The following FBXO11 variants were observed in gnomAD, a reference collection of about 807,000 sequenced individuals.
FBXO11 encodes the protein F-box protein 11, also known as F-box only protein 11.
In FBXO11, 13 loss-of-function variants were observed where a neutral mutation model predicts 117.0. That is an observed-to-expected ratio of 0.11 (90% confidence interval 0.07 to 0.18). FBXO11 has a LOEUF of 0.18. FBXO11 is among the 10% of genes least tolerant of loss of function. FBXO11 has a pLI of 1.00. For missense variants in FBXO11, 767 were observed against 1,164.4 expected (o/e 0.66, Z 4.97); for synonymous variants, 490 against 380.5 (o/e 1.29, Z -3.35).
rs1333900148 is a variant in FBXO11, at chr2:47,810,139, T to TAG, written c.2338+175_2338+176dup. 3 of 550,648 alleles carry TAG rather than the reference T, an allele frequency of 5.4e-6. No homozygotes were observed. The East Asian group carries it at 9.0e-5, about 17-fold the overall frequency. 34.1% of individuals were successfully genotyped at this position (550,648 alleles called of 1,614,324 possible). On this transcript the variant is annotated intron_variant, in intron 19 of 22. Coordinates refer to ENST00000403359, the MANE Select transcript of FBXO11 (RefSeq NM_001190274.2). ...AGCAATATTTCTTAGGAGTCTGGCT[T>TAG]AGAGTAGAAGAATCCAGAACTTGAT...
chr2:47,821,195 G>A (rs915326963), intron 13 of FBXO11, among the ~76,000 whole-genome samples: 1 of 152,214 alleles, frequency 6.6e-6, no homozygotes, highest in East Asian at 1.9e-4. Context: ...ATTTAGGCCA[G>A]GCGTGGTGGC....
At chr2:47,812,379 C>T (rs564405776) in intron 18 of FBXO11, among the ~76,000 whole-genome samples, 1 of 152,306 alleles carries the variant, frequency 6.6e-6, no homozygotes, top group East Asian at 1.9e-4. Context: ...CAGTAAATAT[C>T]TACTCATTTT....
chr2:47,896,635 T>C (rs1003790347), intron 1 of FBXO11, among the ~76,000 whole-genome samples: 5 of 152,150 alleles, frequency 3.3e-5, no homozygotes, highest in East Asian at 1.9e-4. Context: ...CCCCGCCCAA[T>C]TGTTTAATTT....
intron 18 of FBXO11, chr2:47,812,969 A>G: frequency 2.3e-6 from 1 of 426,584 alleles, no homozygotes; most frequent in East Asian, 4.7e-5. Context: ...TCTGAATTTT[A>G]AAAGGTCCAG....
At chr2:47,865,659 T>TAATTA (rs1299747131) in intron 1 of FBXO11, 1 of 152,176 alleles carries the variant, frequency 6.6e-6, no homozygotes, top group Admixed American at 6.5e-5. Flanking sequence ...TAATTTTAAT[T>TAATTA]AATAGTCATA....
intron 11 of FBXO11, among the ~76,000 whole-genome samples, chr2:47,831,037 G>C (rs183373675): frequency 6.6e-6 from 1 of 151,760 alleles, no homozygotes; most frequent in Non-Finnish European, 1.5e-5. Flanking sequence ...GAGCCCAAGC[G>C]ATCCAACTGC....
chr2:47,876,833 C>G (rs1676041126), intron 1 of FBXO11, among the ~76,000 whole-genome samples: 1 of 152,118 alleles, frequency 6.6e-6, no homozygotes, highest in Non-Finnish European at 1.5e-5. Context: ...TCACTGAATA[C>G]TGTTTCTCTA....
chr2:47,818,614 G>A (rs745831245), intron 16 of FBXO11, 165 bp downstream of exon 16: 17 of 611,058 alleles, frequency 2.8e-5, no homozygotes, highest in Non-Finnish European at 4.3e-5. Flanking sequence ...CCTAGACCAA[G>A]GAAAGCTACA....
At chr2:47,891,107 A>G (rs1334138561) in intron 1 of FBXO11, among the ~76,000 whole-genome samples, 1 of 152,062 alleles carries the variant, frequency 6.6e-6, no homozygotes, top group Non-Finnish European at 1.5e-5. Context: ...TACAGGCATG[A>G]GCCACTGCCA....
chr2:47,817,478 ATTT>A (rs1671086803), intron 16 of FBXO11, among the ~76,000 whole-genome samples: 1 of 152,204 alleles, frequency 6.6e-6, no homozygotes, highest in Non-Finnish European at 1.5e-5. Flanking sequence ...CTGGAATAGC[ATTT>A]TTAATTTCTT....
At chr2:47,840,014 G>T (rs1388517722) in intron 1 of FBXO11, among the ~76,000 whole-genome samples, 1 of 151,922 alleles carries the variant, frequency 6.6e-6, no homozygotes. Context: ...CGCAATCTCG[G>T]CTCACTGCAA....
At position 47,900,602 on chromosome 2, in the gene FBXO11, G is replaced by GTGTGTATA. The variant is rs1491424817; in HGVS notation, c.232+4886_232+4887insTATACACA. Among the ~76,000 whole-genome samples the GTGTGTATA allele has an allele frequency of 3.1e-4, 28 of 90,580 alleles. 3 individuals are homozygous for GTGTGTATA. The highest frequency in any genetic ancestry group is 5.3e-4 in the Non-Finnish European group (22 of 41,804). 59.4% of individuals were successfully genotyped at this position (90,580 alleles called of 152,430 possible). On this transcript the variant is annotated intron_variant, in intron 1 of 22. Coordinates refer to ENST00000403359, the MANE Select transcript of FBXO11 (RefSeq NM_001190274.2). Reference sequence around the variant, plus strand: ...CACACATATATACGTATATACACACGTATACACACGTATATACACACGTAT... The same window carrying GTGTGTATA: ...CACACATATATACGTATATACACACGTGTGTATATATACACACGTATATACACACGTAT...
chr2:47,855,084 G>C (rs1374568549), intron 1 of FBXO11, among the ~76,000 whole-genome samples: 1 of 152,046 alleles, frequency 6.6e-6, no homozygotes, highest in African/African-American at 2.4e-5. Flanking sequence ...TTCTAGAATT[G>C]TGAGATCACT....
intron 4 of FBXO11, chr2:47,837,093 G>A (rs926405790): frequency 2.3e-5 from 5 of 215,882 alleles, no homozygotes; most frequent in African/African-American, 1.2e-4. Context: ...TATATCTTCA[G>A]TCCATTTATA....
At chr2:47,837,948 G>A (rs1377324014) in intron 4 of FBXO11, among the ~76,000 whole-genome samples, 1 of 151,778 alleles carries the variant, frequency 6.6e-6, no homozygotes, top group East Asian at 1.9e-4. Flanking sequence ...AACCTGGGCT[G>A]GGTGCAATGG....
intron 1 of FBXO11, among the ~76,000 whole-genome samples, chr2:47,882,114 T>C (rs1325137148): frequency 6.6e-6 from 1 of 152,216 alleles, no homozygotes; most frequent in Admixed American, 6.5e-5. Flanking sequence ...CCCATGTCTA[T>C]CAGCTGAAGT....
At position 47,884,806 on chromosome 2, in the gene FBXO11, C is replaced by T. The variant is rs918497280; in HGVS notation, c.232+20683G>A. ...TTCTGGCTGTTTAATCAGAAAAACA[C>T]GGATTCTAATCCTAAGGTTGCCAAT... On this transcript the variant is annotated intron_variant, in intron 1 of 22. Coordinates refer to ENST00000403359, the MANE Select transcript of FBXO11 (RefSeq NM_001190274.2). 3.3e-5 allele frequency among the ~76,000 whole-genome samples: 5 copies of T among 151,812 alleles called. No homozygotes were observed. The South Asian group carries it at 6.2e-4, about 19-fold the overall frequency.
At chr2:47,816,738 T>C (rs1671032272) in intron 16 of FBXO11, among the ~76,000 whole-genome samples, 1 of 152,208 alleles carries the variant, frequency 6.6e-6, no homozygotes, top group Non-Finnish European at 1.5e-5. Flanking sequence ...CTGGGTGCAT[T>C]GTCAATGAGC....
At chr2:47,809,909 CT>C in intron 19 of FBXO11, 1 of 542,088 alleles carries the variant, frequency 1.8e-6, no homozygotes, top group Non-Finnish European at 3.2e-6. Flanking sequence ...CTGCAATTAA[CT>C]TTCGCACCAA....
Sources: gnomAD v4.1 joint callset for allele counts (sites outside exome capture counted in the v4.1 genomes callset) on GRCh38, gnomAD v4.1.1 for gene constraint, MANE v1.5 for transcripts, NCBI Gene and HGNC (gene_info 2026-07-23, HGNC 2026-07-21) for gene names.